ZNF26: variants seen among roughly 807,000 people sequenced by gnomAD.
The protein encoded by ZNF26 is zinc finger protein 26.
Under a neutral mutation model 54.9 loss-of-function variants are expected in ZNF26, and 32 were observed. The ratio of observed to expected loss-of-function variants is 0.58; its 90% CI spans 0.44 to 0.78. The LOEUF is 0.78. Ranked by LOEUF, ZNF26 falls within the 30% of genes least tolerant of loss-of-function variation. ZNF26 has a pLI of 0.00. For synonymous variants in ZNF26, 221 were observed against 209.2 expected, an observed-to-expected ratio of 1.06 and a Z score of -0.49; for missense variants, 524 against 634.0, an observed-to-expected ratio of 0.83 and a Z score of 1.86.
chr12:133,006,031 A>T, intron 1 of ZNF26: 1 of 936,306 alleles, frequency 1.1e-6, no homozygotes, highest in Non-Finnish European at 1.3e-6. Context: ...TGTTCCATCT[A>T]TTTTTTTTTC....
Position 133,019,514 on chromosome 12 carries a change from A to G in ZNF26, c.*8033A>G, listed in dbSNP as rs1214386189. The G allele has an allele frequency of 1.3e-5, 2 of 152,210 alleles. No individual in the cohort carries two copies. Among genetic ancestry groups the G allele is most frequent in the East Asian group, 1.9e-4 (1 of 5,198 alleles). The allele number at this position is 152,210 out of a possible 1,614,324, so 9.4% of individuals were successfully genotyped here. ...AGAGAAATGCAAATTAACCACAATC[A>G]GATATCATCCCTCTTCAGTTAAAAT... On this transcript the variant is annotated 3_prime_UTR_variant, in exon 4 of 4. Transcript: ENST00000328654.
In ZNF26 at chr12:133,025,247, C is replaced by T. The variant is rs920198055; in HGVS notation, c.*13766C>T. ...TGGTAACAGTTTTTCTGTGTCTGCC[C>T]CACTGTTACGTTCTGGGTGTGTAAG... is the stretch of plus-strand genomic sequence containing the variant. On this transcript the variant is annotated 3_prime_UTR_variant, in exon 4 of 4. Coordinates refer to ENST00000328654, the MANE Select transcript of ZNF26 (RefSeq NM_019591.4). 10 of 152,146 alleles carry T rather than the reference C, an allele frequency of 6.6e-5. No homozygotes were observed. Among genetic ancestry groups the T allele is most frequent in the Non-Finnish European group, 1.2e-4 (8 of 68,036 alleles). The allele number at this position is 152,146 out of a possible 1,614,324, so 9.4% of individuals were successfully genotyped here.
At chr12:132,988,946 A>G (rs971042680) in intron 1 of ZNF26, among the ~76,000 whole-genome samples, 16 of 151,814 alleles carry the variant, frequency 1.1e-4, no homozygotes, top group African/African-American at 3.9e-4. Context: ...ACCTGTGTAC[A>G]GGAAAGGGGT....
intron 1 of ZNF26, among the ~76,000 whole-genome samples, chr12:132,988,206 G>A (rs1593627291): frequency 6.6e-6 from 1 of 151,440 alleles, no homozygotes; most frequent in East Asian, 1.9e-4. Flanking sequence ...ATGGAGTTTA[G>A]CCATGTTGCC....
chr12:133,010,399 T>C lies in ZNF26; in HGVS notation c.520T>C (p.Cys174Arg), dbSNP rs1386857097. Residue 174 changes from cysteine (C) to arginine (R), a missense_variant, in exon 4 of 4, where the codon TGT becomes CGT. Transcript: ENST00000328654. ...AAGAGCTCATAGCATAGAAAAAAAC[T>C]GTGTGTGTAGTGAATGTGGGAAAGC... ...HQRAHSIEKN[C>R]VCSECGKAFR... 1 of 1,614,154 alleles carries C rather than the reference T, an allele frequency of 6.2e-7. No homozygotes were observed. Among genetic ancestry groups the C allele is most frequent in the African/African-American group, 1.3e-5 (1 of 75,050 alleles).
At chr12:132,992,449 G>A (rs1159267116) in intron 1 of ZNF26, among the ~76,000 whole-genome samples, 1 of 151,792 alleles carries the variant, frequency 6.6e-6, no homozygotes, top group Non-Finnish European at 1.5e-5. Context: ...CTACGTGCAG[G>A]TTTTTTGGCA....
Position 133,010,858 on chromosome 12 carries a change from T to G in ZNF26, c.979T>G (p.Ser327Ala). The G allele has an allele frequency of 1.2e-6, 2 of 1,613,950 alleles. No individual in the cohort carries two copies. The highest frequency in any genetic ancestry group is 8.5e-7 in the Non-Finnish European group (1 of 1,180,004). The change falls in exon 4 of 4, where the codon TCC becomes GCC. Residue 327 changes from serine (S) to alanine (A), a missense_variant. Ser to Ala is a moderately conservative substitution (Grantham distance 99). Transcript: ENST00000328654. ...SECGKAFRSK[S>A]YLLVHIRMHT... ...ATGTGGGAAAGCCTTTAGGAGTAAGTCCTATCTCCTTGTTCACATCCGAAT... is the reference window on the plus strand; with the variant it reads ...ATGTGGGAAAGCCTTTAGGAGTAAGGCCTATCTCCTTGTTCACATCCGAAT...
Position 133,014,619 on chromosome 12 carries a change from C to T in ZNF26, c.*3138C>T. The T allele has an allele frequency of 6.7e-6, 1 of 150,000 alleles. No individual in the cohort carries two copies. Among genetic ancestry groups the T allele is most frequent in the Non-Finnish European group, 1.5e-5 (1 of 67,792 alleles). 9.3% of individuals were successfully genotyped at this position (150,000 alleles called of 1,614,324 possible). A position where few individuals can be genotyped will look rare whatever the true frequency, so the allele number is the denominator to read the frequency against. On this transcript the variant is annotated 3_prime_UTR_variant, in exon 4 of 4. Transcript: ENST00000328654. ...TGGAGTGAATTGCACAATCTCGGCT[C>T]ACTGCAACCTCCGCCTCCTGGGTTC...
At chr12:132,995,344 G>C (rs954643064) in intron 1 of ZNF26, 1 of 150,570 alleles carries the variant, frequency 6.6e-6, no homozygotes, top group African/African-American at 2.4e-5. Flanking sequence ...CCATTGTCCC[G>C]TTGATGCTCA....
chr12:132,995,256 C>A, intron 1 of ZNF26: 1 of 152,830 alleles, frequency 6.5e-6, no homozygotes, highest in South Asian at 1.8e-4. Flanking sequence ...GTATTGCCCT[C>A]ACCATGCGCT....
chr12:133,008,871 T>C (rs1159621279), intron 3 of ZNF26, among the ~76,000 whole-genome samples: 3 of 151,258 alleles, frequency 2.0e-5, no homozygotes, highest in Non-Finnish European at 4.4e-5. Context: ...ATGGGAAGCA[T>C]GGCAGCCTTT....
Position 133,025,096 on chromosome 12 carries a change from G to T in ZNF26, c.*13615G>T, listed in dbSNP as rs1009465386. ...TAGAGCAAAGAGCCATGGAGGAGAA[G>T]TCCAAGAAAGCAGAACCAAACCCTA... On this transcript the variant is annotated 3_prime_UTR_variant, in exon 4 of 4. Transcript: ENST00000328654. 1 of 152,200 alleles carries T rather than the reference G, an allele frequency of 6.6e-6. No homozygotes were observed. Among genetic ancestry groups the T allele is most frequent in the Admixed American group, 6.5e-5 (1 of 15,284 alleles). The allele number at this position is 152,200 out of a possible 1,614,324, so 9.4% of individuals were successfully genotyped here.
chr12:133,003,379 C>T (rs1202311009), intron 1 of ZNF26, among the ~76,000 whole-genome samples: 5 of 151,850 alleles, frequency 3.3e-5, no homozygotes, highest in South Asian at 2.1e-4. Flanking sequence ...CTCAGCCTCC[C>T]GAGTAGCTGG....
Position 133,007,545 on chromosome 12 carries a change from G to A in ZNF26, c.256+13G>A. ...CAGAGCTGTCCAGGTGGGTGAGTGA[G>A]AAAGAGGAAGGTGGGAGGCATGGGA... On this transcript the variant is annotated intron_variant, in intron 3 of 3. Coordinates refer to ENST00000328654, the MANE Select transcript of ZNF26 (RefSeq NM_019591.4). 6.2e-7 allele frequency: 1 copy of A among 1,600,226 alleles called. No homozygotes were observed. Among genetic ancestry groups the A allele is most frequent in the Non-Finnish European group, 8.5e-7 (1 of 1,169,730 alleles).
Position 133,022,499 on chromosome 12 carries a change from CTG to C in ZNF26, c.*11019_*11020del, listed in dbSNP as rs1953657829. On this transcript the variant is annotated 3_prime_UTR_variant, in exon 4 of 4. Transcript: ENST00000328654. ...ACACACATACAAAGTATAAGTAAAA[CTG>C]GGGAAATGTTAAGTATTGTGTGTCA... 1 of 151,916 alleles carries C rather than the reference CTG, an allele frequency of 6.6e-6. No homozygotes were observed. The highest frequency in any genetic ancestry group is 1.5e-5 in the Non-Finnish European group (1 of 68,000). The allele number at this position is 151,916 out of a possible 1,614,324, so 9.4% of individuals were successfully genotyped here. A position where few individuals can be genotyped will look rare whatever the true frequency, so the allele number is the denominator to read the frequency against.
In ZNF26 at chr12:133,019,330, A is replaced by T. The variant is rs1237185157; in HGVS notation, c.*7849A>T. Reference sequence around the variant, plus strand: ...GCCAGAATATACAGGGAGCTCAAACAACTCTATAGCAAAAACAAAGAAAAA... The same window carrying T: ...GCCAGAATATACAGGGAGCTCAAACTACTCTATAGCAAAAACAAAGAAAAA... On this transcript the variant is annotated 3_prime_UTR_variant, in exon 4 of 4. Transcript: ENST00000328654. The T allele has an allele frequency of 4.8e-5, 2 of 41,848 alleles. No individual in the cohort carries two copies. Among genetic ancestry groups the T allele is most frequent in the Admixed American group, 9.7e-4 (2 of 2,060 alleles). The allele number at this position is 41,848 out of a possible 1,614,324, so 2.6% of individuals were successfully genotyped here. A position where few individuals can be genotyped will look rare whatever the true frequency, so the allele number is the denominator to read the frequency against.
At chr12:132,994,558 T>C (rs914521240) in intron 1 of ZNF26, among the ~76,000 whole-genome samples, 20 of 152,238 alleles carry the variant, frequency 1.3e-4, no homozygotes, top group African/African-American at 4.6e-4. Context: ...TTCTAGGTCT[T>C]TCCCTGTACA....
chr12:132,989,217 T>G (rs947787720), intron 1 of ZNF26, among the ~76,000 whole-genome samples: 46 of 152,106 alleles, frequency 3.0e-4, no homozygotes, highest in Non-Finnish European at 5.0e-4. Context: ...TTTTGTATTT[T>G]TAGTAGAAAT....
At chr12:132,994,553 G>A (rs1953032388) in intron 1 of ZNF26, among the ~76,000 whole-genome samples, 1 of 152,038 alleles carries the variant, frequency 6.6e-6, no homozygotes, top group Admixed American at 6.5e-5. Flanking sequence ...TATTCTTCTA[G>A]GTCTTTCCCT....
Sources: allele counts gnomAD v4.1 joint callset (sites outside exome capture counted in the v4.1 genomes callset), GRCh38; gene constraint gnomAD v4.1.1; transcripts MANE v1.5; gene names NCBI Gene and HGNC (gene_info 2026-07-23, HGNC 2026-07-21).